Variants in CNTNAP2 observed in about 807,000 individuals in gnomAD.
CNTNAP2 encodes the protein contactin associated protein 2.
A neutral mutation model predicts 155.2 loss-of-function variants in CNTNAP2; 98 were observed. That is an observed-to-expected ratio of 0.63 (90% confidence interval 0.54 to 0.75). The LOEUF (loss-of-function observed/expected upper bound fraction) is 0.75, where lower values mean the gene tolerates loss of function less well. Among genes scored for constraint, CNTNAP2 ranks in the 30% least tolerant of loss-of-function variants. The pLI is 0.00. For synonymous variants in CNTNAP2, 651 were observed against 631.2 expected, an observed-to-expected ratio of 1.03 and a Z score of -0.47; for missense variants, 1,727 against 1,688.1, an observed-to-expected ratio of 1.02 and a Z score of -0.40.
intron 18 of CNTNAP2, among the ~76,000 whole-genome samples, chr7:148,201,969 C>T (rs1795377155): frequency 6.6e-6 from 1 of 151,846 alleles, no homozygotes; most frequent in Non-Finnish European, 1.5e-5. Flanking sequence ...GCAGATGAGG[C>T]AAATGAATGA....
At chr7:146,922,387 T>A (rs1796520251) in intron 3 of CNTNAP2, among the ~76,000 whole-genome samples, 3 of 152,136 alleles carry the variant, frequency 2.0e-5, no homozygotes, top group Non-Finnish European at 4.4e-5. Flanking sequence ...TCCAGTTAAT[T>A]GACTTTTATA....
intron 1 of CNTNAP2, among the ~76,000 whole-genome samples, chr7:146,635,441 C>T (rs905377807): frequency 5.1e-4 from 78 of 152,212 alleles, no homozygotes; most frequent in African/African-American, 1.9e-3. Context: ...TTTGTGTGGA[C>T]ATTCTTAGGT....
rs1223787398 is a variant in CNTNAP2, at chr7:148,014,293, A to AC, written c.2383+36306dup. On this transcript the variant is annotated intron_variant, in intron 15 of 23. Coordinates refer to ENST00000361727, the MANE Select transcript of CNTNAP2 (RefSeq NM_014141.6). ...AGTAAACATAAAAAAAAAAAAAAAA[A>AC]CCACCTCTCTTTGACTTGGTCTTGC... 4 of 74,000 alleles carry AC rather than the reference A, an allele frequency of 5.4e-5. No homozygotes were observed. In the South Asian group the frequency reaches 1.1e-3, roughly 21 times the overall value. The allele number at this position is 74,000 out of a possible 1,614,324, so 4.6% of individuals were successfully genotyped here.
intron 15 of CNTNAP2, among the ~76,000 whole-genome samples, chr7:148,015,120 G>A (rs1276394756): frequency 6.6e-6 from 1 of 152,044 alleles, no homozygotes; most frequent in Non-Finnish European, 1.5e-5. Context: ...ATTGTCCATG[G>A]CTGTCAATGT....
intron 12 of CNTNAP2, among the ~76,000 whole-genome samples, chr7:147,597,192 GTTCT>G (rs974915084): frequency 6.6e-6 from 1 of 152,128 alleles, no homozygotes; most frequent in Non-Finnish European, 1.5e-5. Context: ...CTTGCTCTGA[GTTCT>G]TTCTTGTGCG....
intron 8 of CNTNAP2, among the ~76,000 whole-genome samples, chr7:147,191,776 C>T (rs190229449): frequency 5.3e-4 from 80 of 152,056 alleles, no homozygotes; most frequent in Admixed American, 1.8e-3. Flanking sequence ...AAACCCTTCA[C>T]GAATTAAAAA....
At position 148,200,789 on chromosome 7, in the gene CNTNAP2, G is replaced by C. The variant is rs558351300; in HGVS notation, c.3011-16499G>C. On this transcript the variant is annotated intron_variant, in intron 18 of 23. Coordinates refer to ENST00000361727, the MANE Select transcript of CNTNAP2 (RefSeq NM_014141.6). ...AATACAACATAGTAGTTAATAGTAA[G>C]AACTTGGTAGATGTGTGACTGCAGG... is the stretch of plus-strand genomic sequence containing the variant. 2.0e-5 allele frequency among the ~76,000 whole-genome samples: 3 copies of C among 152,312 alleles called. No individual in the cohort carries two copies. In the East Asian group the frequency reaches 5.8e-4, roughly 29 times the overall value.
intron 10 of CNTNAP2, among the ~76,000 whole-genome samples, chr7:147,465,483 T>C (rs4726866): frequency 0.17 from 26,090 of 150,776 alleles, 2,520 homozygotes; most frequent in Non-Finnish European, 0.19. Context: ...ACATTTTTTA[T>C]ATTATGCGCA....
intron 3 of CNTNAP2, among the ~76,000 whole-genome samples, chr7:146,920,775 A>G (rs1404862659): frequency 6.6e-6 from 1 of 152,214 alleles, no homozygotes; most frequent in Non-Finnish European, 1.5e-5. Context: ...ATGCCTTTGC[A>G]GACTAAATTT....
intron 13 of CNTNAP2, among the ~76,000 whole-genome samples, chr7:147,902,806 G>GTGTA (rs1799892861): frequency 7.7e-6 from 1 of 129,604 alleles, no homozygotes; most frequent in Admixed American, 8.4e-5. Flanking sequence ...GTGTGTGTGT[G>GTGTA]TGTGTGTATG....
chr7:147,178,104 T>C (rs1482225147), intron 8 of CNTNAP2, among the ~76,000 whole-genome samples: 1 of 152,142 alleles, frequency 6.6e-6, no homozygotes, highest in Non-Finnish European at 1.5e-5. Context: ...GTGAATGTGT[T>C]GCCTTACATG....
chr7:147,674,364 G>A (rs1032052486), intron 13 of CNTNAP2, among the ~76,000 whole-genome samples: 4 of 152,084 alleles, frequency 2.6e-5, no homozygotes, highest in African/African-American at 7.2e-5. Context: ...GGAGAAAATT[G>A]CAGTTTAAGA....
rs182093824 is a variant in CNTNAP2 at position 147,017,445 on chromosome 7, T to C, written c.403-26462T>C. Among the ~76,000 whole-genome samples the C allele has an allele frequency of 1.5e-3, 234 of 152,212 alleles. 4 individuals carry two copies. Among genetic ancestry groups the C allele is most frequent in the African/African-American group, 5.0e-3 (208 of 41,578 alleles). On this transcript the variant is annotated intron_variant, in intron 3 of 23. Transcript: ENST00000361727. ...GATGTTTCCTATGTATGCTATAATA[T>C]ATGCTATAACTGCCTACCTTACCTA...
chr7:148,355,651 G>T (rs916306458), intron 21 of CNTNAP2, among the ~76,000 whole-genome samples: 1 of 152,154 alleles, frequency 6.6e-6, no homozygotes, highest in Admixed American at 6.5e-5. Context: ...CCAACAGTAC[G>T]CAGCGGCTGA....
At chr7:147,691,295 G>C (rs754907847) in intron 13 of CNTNAP2, among the ~76,000 whole-genome samples, 2 of 151,714 alleles carry the variant, frequency 1.3e-5, no homozygotes, top group South Asian at 4.2e-4. Flanking sequence ...CATTTTTTCC[G>C]TTCTCTCTTC....
intron 1 of CNTNAP2, among the ~76,000 whole-genome samples, chr7:146,484,832 C>T (rs771543143): frequency 2.7e-4 from 41 of 152,250 alleles, no homozygotes; most frequent in Non-Finnish European, 5.0e-4. Flanking sequence ...TGGAGCATTA[C>T]GTCTTTCCTC....
intron 9 of CNTNAP2, among the ~76,000 whole-genome samples, chr7:147,356,089 G>A (rs1030634897): frequency 6.0e-4 from 92 of 152,222 alleles, no homozygotes; most frequent in African/African-American, 2.2e-3. Flanking sequence ...TATCCACCAT[G>A]ATCAAGTCAG....
At chr7:147,803,468 G>A (rs1032049520) in intron 13 of CNTNAP2, among the ~76,000 whole-genome samples, 3 of 152,194 alleles carry the variant, frequency 2.0e-5, no homozygotes, top group African/African-American at 7.2e-5. Context: ...TTCTCTGCCA[G>A]GCAGAGGCTC....
chr7:147,218,239 A>G (rs986619798), intron 8 of CNTNAP2, among the ~76,000 whole-genome samples: 1 of 151,814 alleles, frequency 6.6e-6, no homozygotes, highest in Admixed American at 6.6e-5. Flanking sequence ...TAGATAAATG[A>G]CTTTAGATAT....
Sources: allele counts gnomAD v4.1 joint callset (sites outside exome capture counted in the v4.1 genomes callset), GRCh38; gene constraint gnomAD v4.1.1; transcripts MANE v1.5; gene names NCBI Gene and HGNC (gene_info 2026-07-23, HGNC 2026-07-21).